Variants in ZDHHC9 observed in about 807,000 individuals in gnomAD.
ZDHHC9 encodes zDHHC palmitoyltransferase 9.
In ZDHHC9, 3 loss-of-function variants were observed where a neutral mutation model predicts 26.6. The ratio of observed to expected loss-of-function variants is 0.11; its 90% CI spans 0.05 to 0.29. The LOEUF (loss-of-function observed/expected upper bound fraction) is 0.29, where lower values mean the gene tolerates loss of function less well. Among genes scored for constraint, ZDHHC9 ranks in the 10% least tolerant of loss-of-function variants. ZDHHC9 has a pLI of 1.00. For missense variants in ZDHHC9, 146 were observed against 296.4 expected, an observed-to-expected ratio of 0.49 and a Z score of 3.73; for synonymous variants, 111 against 109.4, an observed-to-expected ratio of 1.01 and a Z score of -0.09.
At chrX:129,823,976 A>C in intron 4 of ZDHHC9, 139 bp from the exon 5 acceptor site, 1 of 541,968 alleles carries the variant, frequency 1.8e-6, no homozygotes, top group East Asian at 3.4e-5. Context: ...ACTCAACATC[A>C]CAGAATATGC....
intron 4 of ZDHHC9, among the ~76,000 whole-genome samples, chrX:129,828,491 A>C (rs5930365): frequency 5.5e-5 from 6 of 108,325 alleles, no homozygotes; most frequent in Non-Finnish European, 1.1e-4. Flanking sequence ...GTGTGGTGGC[A>C]TGTGACTGTA....
intron 4 of ZDHHC9, among the ~76,000 whole-genome samples, chrX:129,827,366 G>A (rs1928042367): frequency 9.0e-6 from 1 of 110,580 alleles, no homozygotes. Context: ...AAGAACTAAA[G>A]GCTAGCCACA....
intron 3 of ZDHHC9, among the ~76,000 whole-genome samples, chrX:129,837,536 A>C (rs777018090): frequency 1.5e-3 from 164 of 112,634 alleles, no homozygotes; most frequent in Middle Eastern, 4.6e-3. Context: ...TTGATTACTA[A>C]GCAGTGTTAC....
At chrX:129,834,606 T>C (rs1013160772) in intron 3 of ZDHHC9, among the ~76,000 whole-genome samples, 7 of 111,885 alleles carry the variant, frequency 6.3e-5, no homozygotes, top group Non-Finnish European at 1.3e-4. Context: ...ACCCGCTCAG[T>C]AGTTTCCAAA....
chrX:129,827,481 C>T (rs1190679480), intron 4 of ZDHHC9, among the ~76,000 whole-genome samples: 3 of 110,679 alleles, frequency 2.7e-5, no homozygotes, highest in Non-Finnish European at 5.7e-5. Context: ...GGTACCAAAC[C>T]TGAGAACCAT....
chrX:129,842,108 A>C (rs955686812), intron 2 of ZDHHC9, 28 bp from the exon 3 acceptor site: 1 of 590,364 alleles, frequency 1.7e-6, no homozygotes, highest in Admixed American at 3.3e-5. Flanking sequence ...AAGAAAAAAA[A>C]ATGAGGCAAT....
chrX:129,843,245 T>C lies in ZDHHC9; in HGVS notation c.-136+14A>G, dbSNP rs1217322422. 1 of 112,262 alleles carries C rather than the reference T, an allele frequency of 8.9e-6. No individual in the cohort carries two copies. Among genetic ancestry groups the C allele is most frequent in the Non-Finnish European group, 1.9e-5 (1 of 53,059 alleles). 9.3% of individuals were successfully genotyped at this position (112,262 alleles called of 1,213,427 possible). A position where few individuals can be genotyped will look rare whatever the true frequency, so the allele number is the denominator to read the frequency against. On this transcript the variant is annotated intron_variant, in intron 2 of 10. Transcript: ENST00000357166. ...CCAGAGGTGCAGAGAACCCGTCCTTTGTGTAAAACTAACCTGGAAGACAAT... is the reference window on the plus strand; with the variant it reads ...CCAGAGGTGCAGAGAACCCGTCCTTCGTGTAAAACTAACCTGGAAGACAAT...
At chrX:129,828,690 C>T (rs1928076113) in intron 4 of ZDHHC9, among the ~76,000 whole-genome samples, 1 of 110,868 alleles carries the variant, frequency 9.0e-6, no homozygotes, top group African/African-American at 3.3e-5. Flanking sequence ...TTGGTGACCA[C>T]CTCCCCCAAA....
At chrX:129,819,656 T>G (rs918112716) in intron 5 of ZDHHC9, among the ~76,000 whole-genome samples, 5 of 111,497 alleles carry the variant, frequency 4.5e-5, no homozygotes, top group Non-Finnish European at 9.4e-5. Flanking sequence ...CTTTCTGGTA[T>G]GAACTCTTTC....
In ZDHHC9 at chrX:129,813,180, C is replaced by G. The variant is rs972974915; in HGVS notation, c.675-360G>C. On this transcript the variant is annotated intron_variant, in intron 7 of 10. Coordinates refer to ENST00000357166, the MANE Select transcript of ZDHHC9 (RefSeq NM_016032.4). ...TTGGGAGGCCAAGGTGGGCGGATCA[C>G]AAGGTCAGGAGTTCGAGAACAGCCT... 2.7e-5 allele frequency among the ~76,000 whole-genome samples: 3 copies of G among 111,922 alleles called. No homozygotes were observed. In the Admixed American group the frequency reaches 2.8e-4, roughly 11 times the overall value.
At chrX:129,842,428 G>A (rs1309266332) in intron 2 of ZDHHC9, among the ~76,000 whole-genome samples, 1 of 112,557 alleles carries the variant, frequency 8.9e-6, no homozygotes, top group Non-Finnish European at 1.9e-5. Context: ...CCAGAGAGAG[G>A]AAATAACTTA....
At chrX:129,825,708 GT>G (rs1928001700) in intron 4 of ZDHHC9, among the ~76,000 whole-genome samples, 1 of 111,551 alleles carries the variant, frequency 9.0e-6, no homozygotes, top group Admixed American at 9.6e-5. Flanking sequence ...ACATACTCAT[GT>G]GTTAAAATTA....
At chrX:129,808,232 C>T (rs1035228902) in intron 10 of ZDHHC9, among the ~76,000 whole-genome samples, 9 of 111,577 alleles carry the variant, frequency 8.1e-5, no homozygotes, top group Non-Finnish European at 1.5e-4. Flanking sequence ...AAGATTCATA[C>T]GGAAATTTAA....
At chrX:129,835,403 C>T (rs1928234139) in intron 3 of ZDHHC9, among the ~76,000 whole-genome samples, 1 of 101,535 alleles carries the variant, frequency 9.8e-6, no homozygotes, top group Non-Finnish European at 2.0e-5. Context: ...GCCAAGATCA[C>T]ACCACTGCAC....
chrX:129,838,304 A>C (rs754727878), intron 3 of ZDHHC9, among the ~76,000 whole-genome samples: 1 of 111,743 alleles, frequency 8.9e-6, no homozygotes, highest in South Asian at 3.7e-4. Flanking sequence ...GAGTTGCAAG[A>C]GGCTTAGTGA....
intron 6 of ZDHHC9, among the ~76,000 whole-genome samples, chrX:129,814,347 C>T (rs930101451): frequency 3.6e-5 from 4 of 111,838 alleles, no homozygotes; most frequent in Admixed American, 9.5e-5. Context: ...GAGGATGCTC[C>T]GAGACAAAAT....
chrX:129,810,870 C>T (rs1477446545), intron 10 of ZDHHC9, 35 bp downstream of exon 10: 5 of 1,150,615 alleles, frequency 4.3e-6, no homozygotes, highest in Non-Finnish European at 6.0e-6. Flanking sequence ...TCCGCCCTCT[C>T]TATATCGACC....
chrX:129,809,477 G>T (rs1031675443), intron 10 of ZDHHC9, among the ~76,000 whole-genome samples: 1 of 111,751 alleles, frequency 8.9e-6, no homozygotes, highest in Non-Finnish European at 1.9e-5. Flanking sequence ...ACCACATATT[G>T]TATGATTTCA....
chrX:129,815,544 G>T (rs1418589670), intron 5 of ZDHHC9, among the ~76,000 whole-genome samples: 1 of 112,033 alleles, frequency 8.9e-6, no homozygotes, highest in East Asian at 2.8e-4. Context: ...AGGAAAAATA[G>T]ATTTGACTCC....
Sources: gnomAD v4.1 joint callset for allele counts (sites outside exome capture counted in the v4.1 genomes callset) on GRCh38, gnomAD v4.1.1 for gene constraint, MANE v1.5 for transcripts, NCBI Gene and HGNC (gene_info 2026-07-23, HGNC 2026-07-21) for gene names.